Variants in CSRNP3 observed in about 807,000 individuals in gnomAD.
The protein encoded by CSRNP3 is cysteine and serine rich nuclear protein 3.
In CSRNP3, 12 loss-of-function variants were observed where a neutral mutation model predicts 48.0. The ratio of observed to expected loss-of-function variants is 0.25; its 90% confidence interval spans 0.16 to 0.41. The LOEUF (loss-of-function observed/expected upper bound fraction) is 0.41, where lower values mean the gene tolerates loss of function less well. Ranked by LOEUF, CSRNP3 falls within the 10% of genes least tolerant of loss-of-function variation. The probability of loss-of-function intolerance (pLI) is 1.00; values close to 1 mark genes in which losing one functional copy is unlikely to be tolerated. For synonymous variants in CSRNP3, 263 were observed against 269.7 expected, an observed-to-expected ratio of 0.98 and a Z score of 0.24; for missense variants, 580 against 724.4, an observed-to-expected ratio of 0.80 and a Z score of 2.29.
chr2:165,550,395 G>C (rs1685081796), intron 3 of CSRNP3, among the ~76,000 whole-genome samples: 1 of 152,118 alleles, frequency 6.6e-6, no homozygotes, highest in Non-Finnish European at 1.5e-5. Context: ...GGGGAACAGA[G>C]TGGACAATTT....
intron 3 of CSRNP3, among the ~76,000 whole-genome samples, chr2:165,545,079 G>A (rs79372594): frequency 0.023 from 3,484 of 152,204 alleles, 60 homozygotes; most frequent in Non-Finnish European, 0.037. Flanking sequence ...TGTTTCTGAT[G>A]GGTAATAAAA....
intron 6 of CSRNP3, among the ~76,000 whole-genome samples, chr2:165,678,322 G>A (rs1367813161): frequency 6.6e-6 from 1 of 152,098 alleles, no homozygotes; most frequent in East Asian, 1.9e-4. Context: ...CTGGGGTGCA[G>A]CAGAAAGAAA....
At chr2:165,492,762 G>T (rs1241060433) in intron 1 of CSRNP3, among the ~76,000 whole-genome samples, 2 of 145,096 alleles carry the variant, frequency 1.4e-5, no homozygotes. Flanking sequence ...AACAAAACTT[G>T]CTGTCGATGT....
intron 4 of CSRNP3, among the ~76,000 whole-genome samples, chr2:165,644,225 C>T (rs1403096276): frequency 6.6e-6 from 1 of 152,064 alleles, no homozygotes; most frequent in Non-Finnish European, 1.5e-5. Flanking sequence ...CAAATGGTTT[C>T]TAATGCAAAA....
At chr2:165,538,080 C>G (rs1047098387) in intron 3 of CSRNP3, among the ~76,000 whole-genome samples, 2 of 151,822 alleles carry the variant, frequency 1.3e-5, no homozygotes, top group African/African-American at 4.8e-5. Flanking sequence ...TAGCAAGGAC[C>G]CACTGCTCCA....
intron 4 of CSRNP3, among the ~76,000 whole-genome samples, chr2:165,657,021 T>TAA (rs1290767383): frequency 2.0e-5 from 3 of 152,202 alleles, no homozygotes; most frequent in African/African-American, 7.2e-5. Context: ...TATCCTGAAA[T>TAA]AAACCATTTT....
chr2:165,621,499 T>C (rs746451964), intron 4 of CSRNP3, among the ~76,000 whole-genome samples: 3 of 152,044 alleles, frequency 2.0e-5, no homozygotes, highest in Admixed American at 6.6e-5. Context: ...CAGTGGAGCA[T>C]AGAATGAGTC....
At chr2:165,550,502 T>C (rs887418042) in intron 3 of CSRNP3, among the ~76,000 whole-genome samples, 5 of 152,216 alleles carry the variant, frequency 3.3e-5, no homozygotes, top group Admixed American at 6.5e-5. Context: ...AAATAAATTC[T>C]AGCTGTTCTA....
chr2:165,532,101 T>A (rs932270359), intron 3 of CSRNP3, among the ~76,000 whole-genome samples: 1 of 152,060 alleles, frequency 6.6e-6, no homozygotes, highest in Non-Finnish European at 1.5e-5. Context: ...CAGGACCAGA[T>A]GGATTCACAG....
chr2:165,509,971 AGTTTTCTCTGAT>A (rs1268497364), intron 2 of CSRNP3, among the ~76,000 whole-genome samples: 1 of 152,086 alleles, frequency 6.6e-6, no homozygotes, highest in Admixed American at 6.6e-5. Context: ...CCTCAATCTT[AGTTTTCTCTGAT>A]GTTTTCTAAT....
rs750576720 is a variant in CSRNP3 at position 165,657,857 on chromosome 2, C to T, written c.245C>T (p.Thr82Ile). The T allele has an allele frequency of 1.2e-6, 2 of 1,614,102 alleles. No homozygotes were observed. Among genetic ancestry groups the T allele is most frequent in the Non-Finnish European group, 1.7e-6 (2 of 1,180,008 alleles). ...VYYFTRRQGF[T>I]SVPSQGGSTL... The stretch of plus-strand genomic sequence containing the variant: ...TACTTCACCAGGAGGCAAGGCTTCA[C>T]AAGTGTGCCCAGTCAAGGGGGAAGC... The change falls in exon 5 of 7, where the codon ACA (threonine) becomes ATA (isoleucine). Residue 82 changes from threonine to isoleucine, a missense_variant. Coordinates refer to ENST00000651982, the MANE Select transcript of CSRNP3 (RefSeq NM_001172173.2).
intron 1 of CSRNP3, among the ~76,000 whole-genome samples, chr2:165,489,135 A>T (rs1254015708): frequency 0.012 from 1,787 of 150,636 alleles, 28 homozygotes; most frequent in African/African-American, 0.042. Context: ...ATCCCACAGA[A>T]ATACAAACTA....
intron 3 of CSRNP3, among the ~76,000 whole-genome samples, chr2:165,554,045 T>A (rs1209929452): frequency 6.6e-6 from 1 of 152,200 alleles, no homozygotes; most frequent in Non-Finnish European, 1.5e-5. Flanking sequence ...GCCTTTCGCG[T>A]TTCTAAGTCT....
chr2:165,569,004 T>C (rs985282990), intron 3 of CSRNP3, among the ~76,000 whole-genome samples: 8 of 152,214 alleles, frequency 5.3e-5, no homozygotes, highest in Middle Eastern at 3.4e-3. Flanking sequence ...TTTAATACTT[T>C]CACATAACAT....
intron 4 of CSRNP3, among the ~76,000 whole-genome samples, chr2:165,633,765 A>G (rs1186973319): frequency 2.0e-5 from 3 of 152,186 alleles, no homozygotes; most frequent in African/African-American, 7.2e-5. Flanking sequence ...ATTTCTGTTA[A>G]ATATAACTAG....
chr2:165,490,271 A>G (rs889007302), intron 1 of CSRNP3, among the ~76,000 whole-genome samples: 2 of 150,844 alleles, frequency 1.3e-5, no homozygotes, highest in African/African-American at 4.9e-5. Context: ...AAGGAGAACT[A>G]CAAACCACTG....
chr2:165,597,261 AC>A (rs1182655839), intron 4 of CSRNP3, among the ~76,000 whole-genome samples: 3 of 152,210 alleles, frequency 2.0e-5, no homozygotes, highest in Non-Finnish European at 4.4e-5. Flanking sequence ...AAAATCTTCA[AC>A]TGGCATTTCT....
Position 165,685,277 on chromosome 2 carries a change from T to C in CSRNP3, c.*5524T>C, listed in dbSNP as rs1687611897. ...TTCTTGGCTTTTTCAAACTGGACCA[T>C]GAGACCCCCTTCCTAAACAATGCAG... On this transcript the variant is annotated 3_prime_UTR_variant, in exon 7 of 7. Coordinates refer to ENST00000651982, the MANE Select transcript of CSRNP3 (RefSeq NM_001172173.2). 1 of 152,100 alleles carries C rather than the reference T, an allele frequency of 6.6e-6. No individual in the cohort carries two copies. Among genetic ancestry groups the C allele is most frequent in the South Asian group, 2.1e-4 (1 of 4,834 alleles). 9.4% of individuals were successfully genotyped at this position (152,100 alleles called of 1,614,324 possible).
chr2:165,617,718 G>T (rs1318742627), intron 4 of CSRNP3, among the ~76,000 whole-genome samples: 3 of 152,220 alleles, frequency 2.0e-5, no homozygotes, highest in Non-Finnish European at 4.4e-5. Context: ...GGAGGGGATG[G>T]TCATAGCAAT....
Sources: allele counts gnomAD v4.1 joint callset (sites outside exome capture counted in the v4.1 genomes callset), GRCh38; gene constraint gnomAD v4.1.1; transcripts MANE v1.5; gene names NCBI Gene and HGNC (gene_info 2026-07-23, HGNC 2026-07-21).